FHIT: variants seen among roughly 807,000 people sequenced by gnomAD.
FHIT encodes bis(5'-adenosyl)-triphosphatase.
In FHIT, 19 loss-of-function variants were observed where a neutral mutation model predicts 17.9. The ratio of observed to expected loss-of-function variants is 1.06; its 90% CI spans 0.74 to 1.56. The LOEUF (loss-of-function observed/expected upper bound fraction) is 1.56, where lower values mean the gene tolerates loss of function less well. Among genes scored for constraint, FHIT ranks in the 40% most tolerant of loss-of-function variants. The pLI is 0.00. For missense variants in FHIT, 248 were observed against 189.2 expected (o/e 1.31, Z -1.82); for synonymous variants, 81 against 69.7 (o/e 1.16, Z -0.81).
intron 3 of FHIT, among the ~76,000 whole-genome samples, chr3:60,960,742 T>A (rs1709385638): frequency 6.6e-6 from 1 of 152,208 alleles, no homozygotes; most frequent in South Asian, 2.1e-4. Context: ...TTCATCCATG[T>A]CCCTACAAAG....
intron 5 of FHIT, among the ~76,000 whole-genome samples, chr3:60,499,889 CTTT>C (rs72311618): frequency 0.11 from 16,024 of 152,016 alleles, 916 homozygotes; most frequent in South Asian, 0.21. Context: ...TCATACTCTT[CTTT>C]TTATTTTATT....
intron 5 of FHIT, among the ~76,000 whole-genome samples, chr3:60,521,730 G>A (rs2035374867): frequency 1.3e-5 from 2 of 152,120 alleles, no homozygotes; most frequent in Admixed American, 1.3e-4. Context: ...AATGACCTAA[G>A]TTTCCCCATA....
chr3:60,310,054 T>G (rs1200101802), intron 5 of FHIT, among the ~76,000 whole-genome samples: 1 of 152,122 alleles, frequency 6.6e-6, no homozygotes, highest in African/African-American at 2.4e-5. Context: ...AATCAGGTCA[T>G]GCAGGCAGAG....
At chr3:59,855,273 C>T (rs941230532) in intron 8 of FHIT, among the ~76,000 whole-genome samples, 2 of 152,164 alleles carry the variant, frequency 1.3e-5, no homozygotes, top group African/African-American at 4.8e-5. Context: ...AAACCAACAG[C>T]TTTGACCCTC....
intron 5 of FHIT, among the ~76,000 whole-genome samples, chr3:60,346,897 T>C (rs1710808640): frequency 6.6e-6 from 1 of 152,330 alleles, no homozygotes; most frequent in East Asian, 1.9e-4. Context: ...TGTTTTAAAA[T>C]AGATTTTTAA....
intron 8 of FHIT, among the ~76,000 whole-genome samples, chr3:59,769,489 A>T (rs770909348): frequency 1.3e-5 from 2 of 152,176 alleles, no homozygotes; most frequent in African/African-American, 4.8e-5. Flanking sequence ...TTAATTATGT[A>T]TGTGCACAGG....
intron 4 of FHIT, among the ~76,000 whole-genome samples, chr3:60,747,718 C>T (rs1376363221): frequency 1.3e-5 from 2 of 152,198 alleles, no homozygotes; most frequent in East Asian, 1.9e-4. Flanking sequence ...GTGTTCATGA[C>T]ACAAGTCCTG....
chr3:59,760,053 C>T (rs534960600), intron 8 of FHIT, among the ~76,000 whole-genome samples: 1 of 152,276 alleles, frequency 6.6e-6, no homozygotes, highest in East Asian at 1.9e-4. Context: ...TTCAAAAGCC[C>T]AGTTCCTCCT....
rs557776595 is a variant in FHIT, at chr3:60,871,232, C to T, written c.-110-49221G>A. On this transcript the variant is annotated intron_variant, in intron 3 of 9. Coordinates refer to ENST00000492590, the MANE Select transcript of FHIT (RefSeq NM_002012.4). ...ATAAGTTACATTAGAACCCGTTTTGCATATTTTAACATTGCCTTCACAGTG... is the reference window on the plus strand; with the variant it reads ...ATAAGTTACATTAGAACCCGTTTTGTATATTTTAACATTGCCTTCACAGTG... 1.4e-4 allele frequency among the ~76,000 whole-genome samples: 21 copies of T among 152,188 alleles called. No homozygotes were observed. The South Asian group carries it at 3.1e-3, about 23-fold the overall frequency.
chr3:60,766,847 T>TACTA (rs552926989), intron 4 of FHIT, among the ~76,000 whole-genome samples: 502 of 152,336 alleles, frequency 3.3e-3, no homozygotes, highest in African/African-American at 0.011. Flanking sequence ...AAGATCCTTA[T>TACTA]CCCTGAAGAA....
chr3:61,186,323 G>T (rs967051866), intron 2 of FHIT, among the ~76,000 whole-genome samples: 3 of 152,204 alleles, frequency 2.0e-5, no homozygotes, highest in Non-Finnish European at 4.4e-5. Context: ...AGATTAAGTA[G>T]AATTAAGACG....
intron 4 of FHIT, among the ~76,000 whole-genome samples, chr3:60,784,339 C>CT (rs57018877): frequency 0.29 from 40,889 of 141,000 alleles, 6,337 homozygotes; most frequent in Middle Eastern, 0.36. Context: ...CTTCCAGGTT[C>CT]TTTTTTTTTT....
At chr3:61,007,462 A>C (rs2031528584) in intron 3 of FHIT, among the ~76,000 whole-genome samples, 1 of 152,230 alleles carries the variant, frequency 6.6e-6, no homozygotes, top group South Asian at 2.1e-4. Context: ...TCTTTTTCTC[A>C]GGTGAATACC....
chr3:60,446,309 T>C (rs1192627185), intron 5 of FHIT, among the ~76,000 whole-genome samples: 1 of 152,152 alleles, frequency 6.6e-6, no homozygotes, highest in Admixed American at 6.6e-5. Context: ...GAATGCAGAA[T>C]TATAGAGACT....
At chr3:60,481,269 G>C (rs930613165) in intron 5 of FHIT, among the ~76,000 whole-genome samples, 1 of 152,164 alleles carries the variant, frequency 6.6e-6, no homozygotes, top group Non-Finnish European at 1.5e-5. Flanking sequence ...TTATCCAGGA[G>C]AGCTTCCCCA....
At chr3:60,864,530 T>C (rs977580242) in intron 3 of FHIT, among the ~76,000 whole-genome samples, 2 of 152,052 alleles carry the variant, frequency 1.3e-5, no homozygotes, top group East Asian at 1.9e-4. Context: ...AGAAACTGCA[T>C]TGGTAAAGCC....
chr3:60,107,383 C>T (rs1297343552), intron 5 of FHIT, among the ~76,000 whole-genome samples: 1 of 152,108 alleles, frequency 6.6e-6, no homozygotes, highest in Middle Eastern at 3.2e-3. Context: ...GAATAACCTA[C>T]TGTTAAAACA....
At chr3:59,888,242 G>C (rs1286556205) in intron 8 of FHIT, among the ~76,000 whole-genome samples, 1 of 152,158 alleles carries the variant, frequency 6.6e-6, no homozygotes, top group African/African-American at 2.4e-5. Flanking sequence ...AAGTGGCTCT[G>C]TATTCTATGT....
At chr3:60,261,640 T>C (rs1489642120) in intron 5 of FHIT, among the ~76,000 whole-genome samples, 1 of 152,042 alleles carries the variant, frequency 6.6e-6, no homozygotes, top group Non-Finnish European at 1.5e-5. Flanking sequence ...AAATATTTAA[T>C]GGATAAGCTT....
Sources: gnomAD v4.1 joint callset for allele counts (sites outside exome capture counted in the v4.1 genomes callset) on GRCh38, gnomAD v4.1.1 for gene constraint, MANE v1.5 for transcripts, NCBI Gene and HGNC (gene_info 2026-07-23, HGNC 2026-07-21) for gene names.